Variants in CACNA1H observed in about 807,000 individuals in gnomAD.
CACNA1H encodes calcium voltage-gated channel subunit alpha1 H.
CACNA1H carries 149 observed loss-of-function variants against 192.5 expected under a neutral mutation model. The observed-to-expected ratio is 0.77, with a 90% CI of 0.68 to 0.89. The LOEUF (loss-of-function observed/expected upper bound fraction) is 0.89, where lower values mean the gene tolerates loss of function less well. CACNA1H is among the 40% of genes least tolerant of loss of function. The pLI, the probability that CACNA1H is intolerant of heterozygous loss-of-function variation, is 0.00. For synonymous variants in CACNA1H, 2,202 were observed against 1,475.2 expected, an observed-to-expected ratio of 1.49 and a Z score of -11.29; for missense variants, 4,257 against 3,423.5, an observed-to-expected ratio of 1.24 and a Z score of -6.08.
chr16:1,211,359 G>A, intron 22 of CACNA1H, 65 bp downstream of exon 22: 1 of 1,607,896 alleles, frequency 6.2e-7, no homozygotes. Context: ...TCCCAGCGTG[G>A]CTCCCAGCAG....
At position 1,202,343 on chromosome 16, in the gene CACNA1H, A is replaced by G. The variant is rs2141262297; in HGVS notation, c.1893A>G (p.Gly631=). Residue 631 remains glycine (G), a synonymous_variant, in exon 9 of 35, where the codon GGA becomes GGG. Coordinates refer to ENST00000348261, the MANE Select transcript of CACNA1H (RefSeq NM_021098.3). ...VGSGKGSTSP[G]PKGKWAGGPP... ...GCGGCAAAGGCAGCACCAGCCCCGG[A>G]CCCAAGGGGAAGTGGGCCGGTGGAC... 1 of 1,572,128 alleles carries G rather than the reference A, an allele frequency of 6.4e-7. No homozygotes were observed.
intron 34 of CACNA1H, 112 bp downstream of exon 34, chr16:1,219,242 C>T: frequency 2.7e-6 from 3 of 1,105,148 alleles, no homozygotes; most frequent in South Asian, 3.4e-5. Flanking sequence ...AGGAGGGTCG[C>T]ACTGGGTCCT....
At position 1,220,677 on chromosome 16, in the gene CACNA1H, G is replaced by T. The variant is rs2141411882; in HGVS notation, c.6745G>T (p.Glu2249Ter). ...GAGGDPAAKGERWGQASCRAE... is the reference protein window; with the variant it reads ...GAGGDPAAKG ...CGGGGGGGACCCTGCAGCCAAGGGG[G>T]AGCGCTGGGGCCAGGCCTCCTGCCG... The change falls in exon 35 of 35, where the codon GAG (glutamate) becomes TAG (stop). Residue 2249 changes from glutamate to a stop codon, truncating the protein, a stop_gained. Coordinates refer to ENST00000348261, the MANE Select transcript of CACNA1H (RefSeq NM_021098.3). LOFTEE classifies it low-confidence loss of function (END_TRUNC). 6.2e-7 allele frequency: 1 copy of T among 1,609,298 alleles called. No individual in the cohort carries two copies. The highest frequency in any genetic ancestry group is 8.5e-7 in the Non-Finnish European group (1 of 1,178,372).
intron 2 of CACNA1H, among the ~76,000 whole-genome samples, chr16:1,181,543 G>A (rs1034738369): frequency 2.6e-5 from 4 of 152,268 alleles, no homozygotes; most frequent in African/African-American, 4.8e-5. Context: ...CCGCAGGCAC[G>A]GAGAGGAGGG....
chr16:1,218,657 G>A lies in CACNA1H; in HGVS notation c.5887+6G>A, dbSNP rs1567555967. 2.0e-6 allele frequency: 3 copies of A among 1,528,598 alleles called. No homozygotes were observed. The highest frequency in any genetic ancestry group is 8.8e-7 in the Non-Finnish European group (1 of 1,134,206). 94.7% of individuals were successfully genotyped at this position (1,528,598 alleles called of 1,614,324 possible). ...TGGGGCCGGCACCCCCTTGGGTATG[G>A]TAGCCAGCAGGAAGATATGGGCTGG... is the stretch of plus-strand genomic sequence containing the variant. On this transcript the variant is annotated splice_donor_region_variant and intron_variant, in intron 33 of 34. Coordinates refer to ENST00000348261, the MANE Select transcript of CACNA1H (RefSeq NM_021098.3).
chr16:1,181,819 T>G (rs1410121284), intron 2 of CACNA1H, among the ~76,000 whole-genome samples: 1 of 151,922 alleles, frequency 6.6e-6, no homozygotes, highest in African/African-American at 2.4e-5. Flanking sequence ...GTGTGTGGGG[T>G]GAGCCCGGCC....
chr16:1,209,971 G>C (rs1969227168), intron 17 of CACNA1H, 64 bp from the exon 18 acceptor site: 1 of 1,221,604 alleles, frequency 8.2e-7, no homozygotes, highest in Non-Finnish European at 1.2e-6. Context: ...TGAGCACAGA[G>C]GGCCCTGATG....
At chr16:1,160,419 G>A (rs1345650938) in intron 2 of CACNA1H, among the ~76,000 whole-genome samples, 3 of 152,192 alleles carry the variant, frequency 2.0e-5, no homozygotes, top group Admixed American at 6.5e-5. Context: ...ATGGACGGCC[G>A]CCTCGGTCAG....
At chr16:1,173,580 A>G (rs866063071) in intron 2 of CACNA1H, among the ~76,000 whole-genome samples, 22 of 152,396 alleles carry the variant, frequency 1.4e-4, no homozygotes, top group African/African-American at 4.8e-4. Flanking sequence ...GGAAAAGGTT[A>G]TATTTCTCAA....
chr16:1,213,350 G>T (rs905100312), intron 26 of CACNA1H, among the ~76,000 whole-genome samples: 1 of 152,220 alleles, frequency 6.6e-6, no homozygotes, highest in Non-Finnish European at 1.5e-5. Context: ...GACCACAGAG[G>T]CCCAGCCACG....
intron 2 of CACNA1H, among the ~76,000 whole-genome samples, chr16:1,169,301 C>G (rs1039010099): frequency 2.6e-5 from 4 of 152,186 alleles, no homozygotes; most frequent in Non-Finnish European, 5.9e-5. Flanking sequence ...CCCCAAACAG[C>G]ACTTGGTGAA....
chr16:1,202,299 C>T lies in CACNA1H; in HGVS notation c.1849C>T (p.Leu617=), dbSNP rs867292141. The part of the protein sequence containing the change: ...GLGTMNYPTI[L]PSGVGSGKGS... ...GGGCACCATGAACTACCCCACGATCCTGCCCTCAGGGGTGGGCAGCGGCAA... is the reference window on the plus strand; with the variant it reads ...GGGCACCATGAACTACCCCACGATCTTGCCCTCAGGGGTGGGCAGCGGCAA... Residue 617 remains leucine (L), a synonymous_variant, in exon 9 of 35, where the codon CTG becomes TTG. Transcript: ENST00000348261. 3.2e-6 allele frequency: 5 copies of T among 1,585,254 alleles called. No individual in the cohort carries two copies. Among genetic ancestry groups the T allele is most frequent in the Non-Finnish European group, 3.4e-6 (4 of 1,167,974 alleles).
intron 25 of CACNA1H, 27 bp downstream of exon 25, chr16:1,212,165 G>T (rs548384899): frequency 1.3e-6 from 2 of 1,587,266 alleles, no homozygotes; most frequent in East Asian, 4.5e-5. Context: ...GGCGGTGGCG[G>T]TGGCGGGTCG....
At chr16:1,187,400 G>A (rs1966180009) in intron 2 of CACNA1H, among the ~76,000 whole-genome samples, 3 of 152,242 alleles carry the variant, frequency 2.0e-5, no homozygotes, top group Admixed American at 1.3e-4. Flanking sequence ...AAGGCATGGG[G>A]TCCTGAGTGG....
In CACNA1H at chr16:1,200,147, C is replaced by A; in HGVS notation, c.804-109C>A. The A allele has an allele frequency of 5.5e-6, 5 of 904,116 alleles. No homozygotes were observed. In the East Asian group the frequency reaches 8.0e-5, roughly 14 times the overall value. The allele number at this position is 904,116 out of a possible 1,614,324, so 56.0% of individuals were successfully genotyped here. ...CATGATTAGTCCACTGGCCCTGACC[C>A]TGATCACGTCCCTGACCTTGATCAC... On this transcript the variant is annotated intron_variant, in intron 6 of 34. Coordinates refer to ENST00000348261, the MANE Select transcript of CACNA1H (RefSeq NM_021098.3).
chr16:1,181,942 ACGCCCCCTCG>A, intron 2 of CACNA1H, among the ~76,000 whole-genome samples: 1 of 151,848 alleles, frequency 6.6e-6, no homozygotes, highest in African/African-American at 2.4e-5. Context: ...CTTTGCACAC[ACGCCCCCTCG>A]CACACGCATG....
chr16:1,169,268 A>G (rs1272530327), intron 2 of CACNA1H, among the ~76,000 whole-genome samples: 1 of 152,114 alleles, frequency 6.6e-6, no homozygotes, highest in East Asian at 1.9e-4. Flanking sequence ...TGTGGGCGGC[A>G]CCGTCGCTGG....
chr16:1,187,864 G>A (rs1317185068), intron 2 of CACNA1H, among the ~76,000 whole-genome samples: 2 of 152,308 alleles, frequency 1.3e-5, no homozygotes, highest in Non-Finnish European at 2.9e-5. Context: ...ACACAGCCCC[G>A]CCTCCGTCCC....
At chr16:1,214,446 G>A (rs963264875) in intron 27 of CACNA1H, among the ~76,000 whole-genome samples, 4 of 152,224 alleles carry the variant, frequency 2.6e-5, no homozygotes, top group Non-Finnish European at 5.9e-5. Context: ...CAGGAGCCTG[G>A]GCTGGGAGGG....
Sources: gnomAD v4.1 joint callset for allele counts (sites outside exome capture counted in the v4.1 genomes callset) on GRCh38, gnomAD v4.1.1 for gene constraint, MANE v1.5 for transcripts, NCBI Gene and HGNC (gene_info 2026-07-23, HGNC 2026-07-21) for gene names.